Variants in ST6GALNAC3 observed in about 807,000 individuals in gnomAD.
ST6GALNAC3 encodes the protein alpha-N-acetylgalactosaminide alpha-2,6-sialyltransferase 3.
In ST6GALNAC3, 25 loss-of-function variants were observed where a neutral mutation model predicts 32.7. The ratio of observed to expected loss-of-function variants is 0.76; its 90% CI spans 0.56 to 1.07. The LOEUF (loss-of-function observed/expected upper bound fraction) is 1.07. Among genes scored for constraint, ST6GALNAC3 ranks in the 50% least tolerant of loss-of-function variants. ST6GALNAC3 has a pLI of 0.00. For missense variants in ST6GALNAC3, 355 were observed against 382.4 expected, an observed-to-expected ratio of 0.93 and a Z score of 0.60; for synonymous variants, 129 against 133.1, an observed-to-expected ratio of 0.97 and a Z score of 0.21.
Position 76,628,948 on chromosome 1 carries a change from T to TTATCA in ST6GALNAC3, c.*142_*143insTATCA. On this transcript the variant is annotated 3_prime_UTR_variant, in exon 5 of 5. Transcript: ENST00000328299. ...GTTCCTGTACACTCTCAGATGTGGATGGTGACTCTGCTAGTAATTTAAACT... is the reference window on the plus strand; with the variant it reads ...GTTCCTGTACACTCTCAGATGTGGATTATCAGGTGACTCTGCTAGTAATTTAAACT... 6.9e-7 allele frequency: 1 copy of TTATCA among 1,458,334 alleles called. No homozygotes were observed. Among genetic ancestry groups the TTATCA allele is most frequent in the South Asian group, 1.5e-5 (1 of 67,232 alleles). The allele number at this position is 1,458,334 out of a possible 1,614,324, so 90.3% of individuals were successfully genotyped here.
At chr1:76,518,663 C>G (rs1662319788) in intron 3 of ST6GALNAC3, among the ~76,000 whole-genome samples, 1 of 152,096 alleles carries the variant, frequency 6.6e-6, no homozygotes, top group African/African-American at 2.4e-5. Context: ...CTTTCTACTT[C>G]CCTGCCCCTT....
At chr1:76,227,723 A>G (rs1175160140) in intron 1 of ST6GALNAC3, among the ~76,000 whole-genome samples, 1 of 152,130 alleles carries the variant, frequency 6.6e-6, no homozygotes, top group Non-Finnish European at 1.5e-5. Context: ...AGGGAAGAAA[A>G]TTTCAAAACT....
At chr1:76,523,833 T>C (rs1445206429) in intron 3 of ST6GALNAC3, among the ~76,000 whole-genome samples, 2 of 152,188 alleles carry the variant, frequency 1.3e-5, no homozygotes, top group East Asian at 3.9e-4. Context: ...TCCAATTTTT[T>C]GACTCCAATC....
In ST6GALNAC3 at chr1:76,350,078, A is replaced by G. The variant is rs552198705; in HGVS notation, c.213+36079A>G. Among the ~76,000 whole-genome samples the G allele has an allele frequency of 2.6e-5, 4 of 152,320 alleles. No individual in the cohort carries two copies. The South Asian group carries it at 8.3e-4, about 32-fold the overall frequency. On this transcript the variant is annotated intron_variant, in intron 2 of 4. Transcript: ENST00000328299. Reference sequence around the variant, plus strand: ...TTTGAAAATTGACTGTGTATTAGAAATTATTCACTCAAATGCATTATTCAT... The same window carrying G: ...TTTGAAAATTGACTGTGTATTAGAAGTTATTCACTCAAATGCATTATTCAT...
chr1:76,610,694 C>G (rs1210272053), intron 3 of ST6GALNAC3, among the ~76,000 whole-genome samples: 2 of 152,138 alleles, frequency 1.3e-5, no homozygotes, highest in South Asian at 2.1e-4. Flanking sequence ...TAAGTGGCGA[C>G]AGGGAGTGCT....
At chr1:76,608,786 T>C (rs971391643) in intron 3 of ST6GALNAC3, among the ~76,000 whole-genome samples, 1 of 152,190 alleles carries the variant, frequency 6.6e-6, no homozygotes, top group African/African-American at 2.4e-5. Context: ...TGTATTTCTC[T>C]TTTGTGATAT....
At chr1:76,376,324 T>C (rs1047713701) in intron 2 of ST6GALNAC3, among the ~76,000 whole-genome samples, 5 of 152,200 alleles carry the variant, frequency 3.3e-5, no homozygotes, top group Middle Eastern at 3.2e-3. Flanking sequence ...TTTGTGTATT[T>C]GCATGTGTGT....
chr1:76,527,314 G>T (rs1208999118), intron 3 of ST6GALNAC3, among the ~76,000 whole-genome samples: 1 of 152,004 alleles, frequency 6.6e-6, no homozygotes, highest in Non-Finnish European at 1.5e-5. Context: ...GGAAAGATTT[G>T]CTATGAACCA....
intron 1 of ST6GALNAC3, among the ~76,000 whole-genome samples, chr1:76,235,970 T>TTTG (rs1656633454): frequency 6.7e-6 from 1 of 150,082 alleles, no homozygotes; most frequent in Non-Finnish European, 1.5e-5. Flanking sequence ...CATTTTGTTT[T>TTTG]TTGTTTGTTT....
intron 2 of ST6GALNAC3, among the ~76,000 whole-genome samples, chr1:76,344,174 G>A (rs1648299109): frequency 6.6e-6 from 1 of 152,196 alleles, no homozygotes; most frequent in Non-Finnish European, 1.5e-5. Flanking sequence ...CCCAGGAATG[G>A]CCTTGCTGAG....
At chr1:76,515,898 T>C (rs1321080331) in intron 3 of ST6GALNAC3, among the ~76,000 whole-genome samples, 3 of 152,202 alleles carry the variant, frequency 2.0e-5, no homozygotes, top group African/African-American at 7.2e-5. Context: ...GGATGGAATG[T>C]TTTGTAAATA....
chr1:76,527,852 A>G lies in ST6GALNAC3; in HGVS notation c.624-99600A>G, dbSNP rs999165722. Among the ~76,000 whole-genome samples, 3 of 152,264 alleles carry G rather than the reference A, an allele frequency of 2.0e-5. No homozygotes were observed. The East Asian group carries it at 5.8e-4, about 29-fold the overall frequency. On this transcript the variant is annotated intron_variant, in intron 3 of 4. Transcript: ENST00000328299. ...AGGCCTTGATTGTCCCACATAAACT[A>G]TAGGGAGGATAACGTCTCCAAAAGA...
chr1:76,552,569 T>C (rs1479301815), intron 3 of ST6GALNAC3, among the ~76,000 whole-genome samples: 1 of 152,142 alleles, frequency 6.6e-6, no homozygotes, highest in African/African-American at 2.4e-5. Flanking sequence ...CTGTAGAAAT[T>C]CTGTTGTTAC....
intron 1 of ST6GALNAC3, among the ~76,000 whole-genome samples, chr1:76,279,176 G>A (rs575132936): frequency 4.6e-5 from 7 of 152,316 alleles, no homozygotes; most frequent in African/African-American, 1.4e-4. Flanking sequence ...GACACACACA[G>A]CCAGGCAGGG....
chr1:76,381,185 AAG>A (rs932680389), intron 2 of ST6GALNAC3, among the ~76,000 whole-genome samples: 8 of 128,422 alleles, frequency 6.2e-5, no homozygotes, highest in East Asian at 4.7e-4. Context: ...AAAAAAAAAA[AAG>A]AAAAAAAAAA....
At chr1:76,379,329 C>A (rs1651519759) in intron 2 of ST6GALNAC3, among the ~76,000 whole-genome samples, 1 of 152,162 alleles carries the variant, frequency 6.6e-6, no homozygotes, top group Non-Finnish European at 1.5e-5. Context: ...GCCAATATCC[C>A]TAACCCCATT....
chr1:76,531,202 A>G (rs1438865143), intron 3 of ST6GALNAC3, among the ~76,000 whole-genome samples: 2 of 152,208 alleles, frequency 1.3e-5, no homozygotes, highest in African/African-American at 4.8e-5. Context: ...GAACATGTCA[A>G]ACTCTTGGGC....
At chr1:76,336,830 C>T (rs550884429) in intron 2 of ST6GALNAC3, among the ~76,000 whole-genome samples, 12 of 152,272 alleles carry the variant, frequency 7.9e-5, no homozygotes, top group East Asian at 1.9e-4. Flanking sequence ...AGAGTCTGTT[C>T]GGGAATCACA....
intron 1 of ST6GALNAC3, among the ~76,000 whole-genome samples, chr1:76,122,620 C>T (rs1248116984): frequency 6.6e-6 from 1 of 152,172 alleles, no homozygotes; most frequent in African/African-American, 2.4e-5. Context: ...GAGGTGGGAT[C>T]GTGCATATAG....
Sources: gnomAD v4.1 joint callset for allele counts (sites outside exome capture counted in the v4.1 genomes callset) on GRCh38, gnomAD v4.1.1 for gene constraint, MANE v1.5 for transcripts, NCBI Gene and HGNC (gene_info 2026-07-23, HGNC 2026-07-21) for gene names.